MAML1: variants seen among roughly 807,000 people sequenced by gnomAD.
MAML1 encodes the protein mastermind-like protein 1.
Under a neutral mutation model 77.1 loss-of-function variants are expected in MAML1, and 14 were observed. The ratio of observed to expected loss-of-function variants is 0.18; its 90% CI spans 0.12 to 0.28. MAML1 has a LOEUF of 0.28. Among genes scored for constraint, MAML1 ranks in the 10% least tolerant of loss-of-function variants. The pLI is 1.00. For synonymous variants in MAML1, 516 were observed against 551.9 expected, an observed-to-expected ratio of 0.93 and a Z score of 0.91; for missense variants, 1,217 against 1,327.8, an observed-to-expected ratio of 0.92 and a Z score of 1.30.
chr5:179,752,948 A>AT (rs1481840488), intron 1 of MAML1, among the ~76,000 whole-genome samples: 3 of 151,754 alleles, frequency 2.0e-5, no homozygotes, highest in Admixed American at 2.0e-4. Flanking sequence ...TAATTTTTGT[A>AT]TTTTAGTAGA....
chr5:179,733,389 G>T lies in MAML1; in HGVS notation c.277G>T (p.Asp93Tyr). The T allele has an allele frequency of 1.7e-6, 2 of 1,177,608 alleles. No homozygotes were observed. Among genetic ancestry groups the T allele is most frequent in the Non-Finnish European group, 2.1e-6 (2 of 958,674 alleles). 72.9% of individuals were successfully genotyped at this position (1,177,608 alleles called of 1,614,324 possible). ...PAPAAPAPRL[D>Y]AADGPEHGRP... is the part of the protein sequence containing the mutation. The stretch of plus-strand genomic sequence containing the variant: ...GCCCGCCGCCCCGGCCCCGCGCCTG[G>T]ACGCCGCTGACGGCCCCGAGCACGG... The change falls in exon 1 of 5, where the codon GAC becomes TAC. Residue 93 changes from aspartate (D) to tyrosine (Y), a missense_variant. Asp to Tyr is a radical substitution (Grantham distance 160). This residue lies in a region of MAML1 where 312 missense variants were observed against 331.4 expected (regional missense o/e 0.94). Coordinates refer to ENST00000292599, the MANE Select transcript of MAML1 (RefSeq NM_014757.5).
At chr5:179,750,360 C>A (rs1454015700) in intron 1 of MAML1, among the ~76,000 whole-genome samples, 1 of 151,980 alleles carries the variant, frequency 6.6e-6, no homozygotes, top group Non-Finnish European at 1.5e-5. Context: ...GAGTACGTCT[C>A]AGCTAGAATA....
intron 1 of MAML1, among the ~76,000 whole-genome samples, chr5:179,758,377 AT>A (rs927287900): frequency 7.0e-6 from 1 of 143,836 alleles, no homozygotes; most frequent in African/African-American, 2.5e-5. Flanking sequence ...CAGTTCTCTG[AT>A]TTTTTTTTCT....
intron 1 of MAML1, among the ~76,000 whole-genome samples, chr5:179,739,765 A>T (rs1779244200): frequency 6.6e-6 from 1 of 152,190 alleles, no homozygotes; most frequent in African/African-American, 2.4e-5. Context: ...TCTAGAGGTG[A>T]TTTAAAGTAT....
In MAML1 at chr5:179,732,931, C is replaced by T; in HGVS notation, c.-182C>T. 3.3e-6 allele frequency: 1 copy of T among 302,234 alleles called. No homozygotes were observed. The highest frequency in any genetic ancestry group is 6.0e-6 in the Non-Finnish European group (1 of 167,814). 18.7% of individuals were successfully genotyped at this position (302,234 alleles called of 1,614,324 possible). On this transcript the variant is annotated 5_prime_UTR_variant, in exon 1 of 5. Transcript: ENST00000292599. ...GCTTGAGGTAGGCAGCAAGCGCCGG[C>T]TGGGGGTCGGGCCGAGCGGGGCAGG... is the stretch of plus-strand genomic sequence containing the variant.
At position 179,771,264 on chromosome 5, in the gene MAML1, G is replaced by T; in HGVS notation, c.2068+21G>T. 1.2e-6 allele frequency: 2 copies of T among 1,606,876 alleles called. No homozygotes were observed. The highest frequency in any genetic ancestry group is 2.2e-5 in the South Asian group (2 of 90,900). On this transcript the variant is annotated intron_variant, in intron 4 of 4. Transcript: ENST00000292599. This position sits in a 1 kb window ranked among gnomAD's most constrained non-coding sequence, Gnocchi z 4.7. ...CACAGGTAGGGGGTGTCTGTGTGAC[G>T]AGCAGGGACAGGGGAGGCCGCTGCC...
intron 1 of MAML1, 84 bp from the exon 2 acceptor site, chr5:179,765,242 C>T: frequency 8.4e-7 from 1 of 1,184,022 alleles, no homozygotes; most frequent in Non-Finnish European, 1.2e-6. Context: ...GCGAGCATTG[C>T]AGGGACATCA....
Position 179,733,212 on chromosome 5 carries a change from C to T in MAML1, c.100C>T (p.His34Tyr). ...GCGCATCGAGCTGTGCCGGCGCCAC[C>T]ACAGCACCTGCGAGGCCCGCTACGA... ...RRRIELCRRHHSTCEARYEAV... is the reference protein window; with the variant it reads ...RRRIELCRRHYSTCEARYEAV... Residue 34 changes from histidine to tyrosine, a missense_variant, in exon 1 of 5, where the codon CAC becomes TAC. By Grantham distance (83) the His-to-Tyr change is moderately conservative. Transcript: ENST00000292599. 6.8e-7 allele frequency: 1 copy of T among 1,479,408 alleles called. No individual in the cohort carries two copies. The highest frequency in any genetic ancestry group is 8.9e-7 in the Non-Finnish European group (1 of 1,118,618). The allele number at this position is 1,479,408 out of a possible 1,614,324, so 91.6% of individuals were successfully genotyped here. A position where few individuals can be genotyped will look rare whatever the true frequency, so the allele number is the denominator to read the frequency against.
chr5:179,767,169 A>G (rs916029071), intron 2 of MAML1, among the ~76,000 whole-genome samples: 1 of 129,568 alleles, frequency 7.7e-6, no homozygotes, highest in African/African-American at 3.0e-5. Context: ...TGGTAAGCTT[A>G]TAACATTGTA....
At chr5:179,742,437 C>T (rs552412475) in intron 1 of MAML1, among the ~76,000 whole-genome samples, 97 of 151,348 alleles carry the variant, frequency 6.4e-4, no homozygotes, top group Middle Eastern at 6.9e-3. Context: ...TGCAGTGAGC[C>T]GAGATCGTGA....
chr5:179,739,618 AG>A (rs1386531059), intron 1 of MAML1, among the ~76,000 whole-genome samples: 1 of 152,202 alleles, frequency 6.6e-6, no homozygotes, highest in Non-Finnish European at 1.5e-5. Flanking sequence ...CGGGAGGTAA[AG>A]GCTGCAGCGA....
At position 179,766,191 on chromosome 5, in the gene MAML1, C is replaced by T; in HGVS notation, c.1181C>T (p.Ser394Phe). ...GGCCCAGGAGGGGCCTCAGAGCTGT[C>T]CTCTGCCCACCAGCTCCAGCAGATC... The part of the protein sequence containing the change: ...SQGPGGASEL[S>F]SAHQLQQIAA... The change falls in exon 2 of 5, where the codon TCC (serine) becomes TTC (phenylalanine). Residue 394 changes from serine (S) to phenylalanine (F), a missense_variant. Coordinates refer to ENST00000292599, the MANE Select transcript of MAML1 (RefSeq NM_014757.5). The surrounding 1 kb of genome is among the most constrained non-coding windows in gnomAD (Gnocchi z 4.0). The T allele has an allele frequency of 1.9e-6, 3 of 1,607,896 alleles. No individual in the cohort carries two copies. The highest frequency in any genetic ancestry group is 4.5e-5 in the East Asian group (2 of 44,812).
rs3797775 is a variant in MAML1 at position 179,766,825 on chromosome 5, G to A, written c.1731+84G>A. ...ACTACTTTGGATGTTAATTGGATCCGAGGTAGTTGTGGGAAGAGGGAGGAG... is the reference window on the plus strand; with the variant it reads ...ACTACTTTGGATGTTAATTGGATCCAAGGTAGTTGTGGGAAGAGGGAGGAG... On this transcript the variant is annotated intron_variant, in intron 2 of 4. Transcript: ENST00000292599. This position sits in a 1 kb window ranked among gnomAD's most constrained non-coding sequence, Gnocchi z 4.0. 5.4e-3 allele frequency: 6,424 copies of A among 1,188,138 alleles called. 266 individuals are homozygous for A. The Admixed American group carries it at 0.11, about 20-fold the overall frequency. The allele number at this position is 1,188,138 out of a possible 1,614,324, so 73.6% of individuals were successfully genotyped here.
At chr5:179,753,225 G>GCA (rs1779538576) in intron 1 of MAML1, among the ~76,000 whole-genome samples, 1 of 24,726 alleles carries the variant, frequency 4.0e-5, no homozygotes, top group South Asian at 1.8e-3. Context: ...GTGTGTGTGC[G>GCA]CGCGCGCGCG....
chr5:179,742,133 A>C (rs1290473806), intron 1 of MAML1, among the ~76,000 whole-genome samples: 1 of 151,014 alleles, frequency 6.6e-6, no homozygotes, highest in Non-Finnish European at 1.5e-5. Context: ...TCGGTCTCCC[A>C]AAGTGCCGGG....
At chr5:179,735,276 A>C (rs1040060331) in intron 1 of MAML1, among the ~76,000 whole-genome samples, 5 of 152,228 alleles carry the variant, frequency 3.3e-5, no homozygotes, top group Admixed American at 3.3e-4. Context: ...TGCCAGTCCC[A>C]GCTTATCTCT....
rs573314302 is a variant in MAML1, at chr5:179,745,964, G to A, written c.315+12537G>A. 2.0e-5 allele frequency among the ~76,000 whole-genome samples: 3 copies of A among 151,312 alleles called. No homozygotes were observed. In the East Asian group the frequency reaches 5.8e-4, roughly 29 times the overall value. On this transcript the variant is annotated intron_variant, in intron 1 of 4. Transcript: ENST00000292599. ...CAGGAGAATCACTTGAACTGGGGAG[G>A]CGGAGGTTTCGATGAGCTGAGATAG...
At position 179,744,244 on chromosome 5, in the gene MAML1, G is replaced by T. The variant is rs895370509; in HGVS notation, c.315+10817G>T. ...CTGTTGCCCAGGCTGGAGTGCAGTG[G>T]CATGGTCTTGGCTCACCGCAACCTC... On this transcript the variant is annotated intron_variant, in intron 1 of 4. Transcript: ENST00000292599. 5.3e-5 allele frequency among the ~76,000 whole-genome samples: 8 copies of T among 152,272 alleles called. No homozygotes were observed. The East Asian group carries it at 1.4e-3, about 26-fold the overall frequency.
At chr5:179,738,423 A>G (rs895231024) in intron 1 of MAML1, among the ~76,000 whole-genome samples, 1 of 152,206 alleles carries the variant, frequency 6.6e-6, no homozygotes, top group East Asian at 1.9e-4. Flanking sequence ...CTGTACTGTA[A>G]TCATGTGGGG....
Sources: allele counts gnomAD v4.1 joint callset (sites outside exome capture counted in the v4.1 genomes callset), GRCh38; gene constraint gnomAD v4.1.1; regional missense constraint gnomAD v4.1.1; non-coding constraint Gnocchi (gnomAD v3.1); transcripts MANE v1.5; gene names NCBI Gene and HGNC (gene_info 2026-07-23, HGNC 2026-07-21).